Variants in EYS observed in about 807,000 individuals in gnomAD.
EYS encodes the protein protein eyes shut homolog.
EYS carries 250 observed loss-of-function variants against 282.1 expected under a neutral mutation model. The ratio of observed to expected loss-of-function variants is 0.89; its 90% CI spans 0.80 to 0.98. The LOEUF is 0.98. Among genes scored for constraint, EYS ranks in the 50% least tolerant of loss-of-function variants. EYS has a pLI of 0.00. For synonymous variants in EYS, 1,355 were observed against 1,282.9 expected (o/e 1.06, Z -1.20); for missense variants, 4,016 against 3,709.0 (o/e 1.08, Z -2.15).
At chr6:65,614,806 C>T (rs553460987) in intron 2 of EYS, among the ~76,000 whole-genome samples, 1 of 152,134 alleles carries the variant, frequency 6.6e-6, no homozygotes, top group Admixed American at 6.6e-5. Context: ...TATATGCCAG[C>T]CTTTTAAATA....
chr6:65,402,989 G>A (rs1480201448), intron 6 of EYS, among the ~76,000 whole-genome samples: 3 of 152,032 alleles, frequency 2.0e-5, no homozygotes, highest in South Asian at 4.1e-4. Flanking sequence ...GAGAAATCAT[G>A]TTTAGGATTG....
intron 36 of EYS, among the ~76,000 whole-genome samples, chr6:63,826,845 C>CAAAAAAAAAAAAAAAAAAAAGAAAAAA (rs59957107): frequency 1.3e-4 from 10 of 76,754 alleles, no homozygotes; most frequent in East Asian, 4.1e-4. Context: ...AGTTAAAAAG[C>CAAAAAAAAAAAAAAAAAAAAGAAAAAA]AAAAAAAAAA....
chr6:64,502,433 G>A lies in EYS; in HGVS notation c.5645-63081C>T, dbSNP rs368116017. 4.1e-4 allele frequency among the ~76,000 whole-genome samples: 62 copies of A among 152,230 alleles called. No homozygotes were observed. In the East Asian group the frequency reaches 0.01, roughly 25 times the overall value. On this transcript the variant is annotated intron_variant, in intron 26 of 42. Transcript: ENST00000503581. ...AGACGGGGTTTCACCGTATTAGCCA[G>A]GATGGTCTCGATCTCCTGACCTCGT...
intron 12 of EYS, among the ~76,000 whole-genome samples, chr6:65,171,026 A>G (rs1050326283): frequency 5.9e-5 from 9 of 151,538 alleles, no homozygotes; most frequent in Non-Finnish European, 1.0e-4. Context: ...ACTCCAACAG[A>G]CAATGAATAA....
chr6:65,419,412 T>C (rs1460259325), intron 5 of EYS, among the ~76,000 whole-genome samples: 5 of 151,986 alleles, frequency 3.3e-5, no homozygotes, highest in Admixed American at 6.6e-5. Context: ...AATAAATTTA[T>C]AGTGGTTGAA....
intron 26 of EYS, among the ~76,000 whole-genome samples, chr6:64,494,188 G>A (rs1400394977): frequency 1.3e-5 from 2 of 151,562 alleles, no homozygotes; most frequent in African/African-American, 4.8e-5. Context: ...AGGGGAAATT[G>A]CCTCTCATCT....
intron 35 of EYS, among the ~76,000 whole-genome samples, chr6:63,876,365 A>G (rs1772970996): frequency 1.3e-5 from 2 of 152,150 alleles, no homozygotes; most frequent in South Asian, 4.1e-4. Context: ...GTTCTTTTAC[A>G]TTTGCTGAGG....
intron 5 of EYS, among the ~76,000 whole-genome samples, chr6:65,418,801 G>A (rs766151811): frequency 1.1e-4 from 16 of 151,838 alleles, no homozygotes; most frequent in African/African-American, 1.7e-4. Flanking sequence ...AAACCTTCAC[G>A]TTCTGCACAT....
intron 28 of EYS, among the ~76,000 whole-genome samples, chr6:64,393,319 A>G (rs778118203): frequency 2.4e-4 from 37 of 152,228 alleles, no homozygotes; most frequent in Non-Finnish European, 4.6e-4. Flanking sequence ...CCAGGCAGAG[A>G]TACAACAAAA....
At chr6:64,142,595 A>T (rs1195459147) in intron 31 of EYS, among the ~76,000 whole-genome samples, 1 of 152,180 alleles carries the variant, frequency 6.6e-6, no homozygotes, top group Non-Finnish European at 1.5e-5. Context: ...ATGTTTGCTA[A>T]GTTTATAGAA....
At chr6:64,018,095 G>A (rs937642859) in intron 33 of EYS, among the ~76,000 whole-genome samples, 3 of 152,066 alleles carry the variant, frequency 2.0e-5, no homozygotes, top group East Asian at 1.9e-4. Flanking sequence ...GAGAAAAGAC[G>A]TGGAATACAC....
chr6:64,535,408 G>A (rs986849076), intron 26 of EYS, among the ~76,000 whole-genome samples: 1 of 152,094 alleles, frequency 6.6e-6, no homozygotes, highest in African/African-American at 2.4e-5. Flanking sequence ...AGGATACTAA[G>A]TTGTCATACC....
At chr6:65,684,276 C>G (rs2149839867) in intron 1 of EYS, among the ~76,000 whole-genome samples, 3 of 152,080 alleles carry the variant, frequency 2.0e-5, no homozygotes, top group Admixed American at 2.0e-4. Context: ...AGCAAATCCT[C>G]TTATCTCCCC....
chr6:64,950,313 A>T (rs528039723), intron 14 of EYS, among the ~76,000 whole-genome samples: 1 of 152,012 alleles, frequency 6.6e-6, no homozygotes, highest in African/African-American at 2.4e-5. Flanking sequence ...TTATTCTCTT[A>T]TGCCACATAG....
chr6:65,544,855 A>G (rs1768322578), intron 2 of EYS, among the ~76,000 whole-genome samples: 1 of 152,206 alleles, frequency 6.6e-6, no homozygotes, highest in Non-Finnish European at 1.5e-5. Flanking sequence ...GATTATTTTA[A>G]TAGATTATTT....
At chr6:65,606,047 A>C (rs978502923) in intron 2 of EYS, among the ~76,000 whole-genome samples, 2 of 151,640 alleles carry the variant, frequency 1.3e-5, no homozygotes, top group African/African-American at 2.4e-5. Context: ...AATATTCTTA[A>C]AGTACTGAGT....
intron 22 of EYS, among the ~76,000 whole-genome samples, chr6:64,659,752 C>T (rs1768920293): frequency 1.3e-5 from 2 of 152,062 alleles, no homozygotes; most frequent in Admixed American, 6.6e-5. Context: ...TAAGAGCTTA[C>T]CAACCAAAAA....
chr6:65,642,058 A>T (rs1767294470), intron 1 of EYS, among the ~76,000 whole-genome samples: 1 of 152,180 alleles, frequency 6.6e-6, no homozygotes, highest in African/African-American at 2.4e-5. Flanking sequence ...AGATTTGCTT[A>T]TTTTATCCAT....
At chr6:65,145,217 T>A (rs1764447035) in intron 12 of EYS, among the ~76,000 whole-genome samples, 1 of 152,094 alleles carries the variant, frequency 6.6e-6, no homozygotes, top group African/African-American at 2.4e-5. Flanking sequence ...CTACTACTAA[T>A]TTATTTGATA....
Sources: gnomAD v4.1 joint callset for allele counts (sites outside exome capture counted in the v4.1 genomes callset) on GRCh38, gnomAD v4.1.1 for gene constraint, MANE v1.5 for transcripts, NCBI Gene and HGNC (gene_info 2026-07-23, HGNC 2026-07-21) for gene names.